WTAP: variants seen among roughly 807,000 people sequenced by gnomAD.
WTAP encodes pre-mRNA-splicing regulator WTAP.
Under a neutral mutation model 50.0 loss-of-function variants are expected in WTAP, and 8 were observed. That is an observed-to-expected ratio of 0.16 (90% confidence interval 0.09 to 0.29). WTAP has a LOEUF of 0.29. WTAP is among the 10% of genes least tolerant of loss of function. The probability of loss-of-function intolerance (pLI) is 1.00; values close to 1 mark genes in which losing one functional copy is unlikely to be tolerated. For missense variants in WTAP, 295 were observed against 470.7 expected (o/e 0.63, Z 3.45); for synonymous variants, 194 against 169.0 (o/e 1.15, Z -1.15).
intron 1 of WTAP, among the ~76,000 whole-genome samples, chr6:159,728,425 CA>C (rs200581761): frequency 3.8e-5 from 5 of 132,002 alleles, no homozygotes; most frequent in Admixed American, 1.4e-4. Context: ...AAAAACAAAA[CA>C]AAACAAAAAA....
chr6:159,750,169 T>A (rs1779767118), intron 6 of WTAP, among the ~76,000 whole-genome samples: 1 of 152,220 alleles, frequency 6.6e-6, no homozygotes, highest in African/African-American at 2.4e-5. Flanking sequence ...GAAATTAGCT[T>A]ATGTGCTTGC....
chr6:159,727,467 C>G (rs1418248468), upstream of WTAP: 2 of 958,824 alleles, frequency 2.1e-6, no homozygotes, highest in East Asian at 2.5e-4. Context: ...GGAGCGGAGC[C>G]GTGCGGCGGG....
At chr6:159,738,765 C>T (rs1779067604) in intron 2 of WTAP, among the ~76,000 whole-genome samples, 1 of 151,900 alleles carries the variant, frequency 6.6e-6, no homozygotes, top group Non-Finnish European at 1.5e-5. Context: ...TGTGGTGATA[C>T]CTGGGGTTTT....
chr6:159,742,758 C>G (rs1311282821), intron 4 of WTAP, among the ~76,000 whole-genome samples: 1 of 152,018 alleles, frequency 6.6e-6, no homozygotes, highest in Non-Finnish European at 1.5e-5. Flanking sequence ...AAGTCATGAA[C>G]ATTGTGAAAG....
chr6:159,738,142 T>C (rs763627287), intron 2 of WTAP, among the ~76,000 whole-genome samples: 2 of 152,220 alleles, frequency 1.3e-5, no homozygotes, highest in Non-Finnish European at 2.9e-5. Context: ...TGCACTATTA[T>C]CATGTCTAGC....
intron 6 of WTAP, among the ~76,000 whole-genome samples, chr6:159,752,222 A>G (rs1464535736): frequency 6.6e-6 from 1 of 152,248 alleles, no homozygotes; most frequent in African/African-American, 2.4e-5. Context: ...ACTAGAATTT[A>G]AAAAATGTTT....
chr6:159,737,112 A>G (rs1478009917), intron 2 of WTAP, among the ~76,000 whole-genome samples: 1 of 152,088 alleles, frequency 6.6e-6, no homozygotes, highest in African/African-American at 2.4e-5. Flanking sequence ...CAGTGGTGCA[A>G]TCTTGGCTTA....
At chr6:159,735,926 T>C (rs780539288) in intron 1 of WTAP, among the ~76,000 whole-genome samples, 2 of 152,110 alleles carry the variant, frequency 1.3e-5, no homozygotes, top group Non-Finnish European at 2.9e-5. Context: ...CTTGAGGTCA[T>C]TATATTTCTC....
At chr6:159,736,032 G>T (rs180929656) in intron 1 of WTAP, among the ~76,000 whole-genome samples, 1 of 152,064 alleles carries the variant, frequency 6.6e-6, no homozygotes, top group African/African-American at 2.4e-5. Flanking sequence ...AATGATGGAA[G>T]ATGTTAACAA....
intron 1 of WTAP, 135 bp from the exon 2 acceptor site, chr6:159,736,123 T>A: frequency 1.1e-6 from 1 of 909,380 alleles, no homozygotes; most frequent in Non-Finnish European, 1.6e-6. Flanking sequence ...ATTTTAAAAT[T>A]GTTTATTTAA....
At chr6:159,728,483 A>G (rs192455060) in intron 1 of WTAP, among the ~76,000 whole-genome samples, 205 of 152,346 alleles carry the variant, frequency 1.3e-3, no homozygotes, top group African/African-American at 4.7e-3. Context: ...GTATGTTACA[A>G]TTGGAAGTTG....
chr6:159,740,634 G>A (rs1779194811), intron 3 of WTAP, among the ~76,000 whole-genome samples: 2 of 151,856 alleles, frequency 1.3e-5, no homozygotes. Flanking sequence ...CATGGCCTTG[G>A]CTGAACATCA....
rs946054945 is a variant in WTAP at position 159,743,513 on chromosome 6, G to A, written c.146-152G>A. On this transcript the variant is annotated intron_variant, in intron 4 of 7. Coordinates refer to ENST00000621533, the MANE Select transcript of WTAP (RefSeq NM_001270531.2). ...ACCATTGTCTCCTAAAGGAGCTCTC[G>A]TGACCAGGAAGAAATTCGCCTGTTA... is the stretch of plus-strand genomic sequence containing the variant. 1.1e-4 allele frequency: 74 copies of A among 655,520 alleles called. 2 individuals are homozygous for A. The highest frequency in any genetic ancestry group is 9.2e-4 in the Middle Eastern group (2 of 2,168). The allele number at this position is 655,520 out of a possible 1,614,324, so 40.6% of individuals were successfully genotyped here.
chr6:159,743,929 G>C (rs1779409753), intron 5 of WTAP, 137 bp downstream of exon 5: 1 of 994,870 alleles, frequency 1.0e-6, no homozygotes, highest in Non-Finnish European at 1.3e-6. Flanking sequence ...TGAGCTTTAA[G>C]AATACTAGAT....
In WTAP at chr6:159,730,257, A is replaced by G. The variant is rs115835548; in HGVS notation, c.-9+2554A>G. Among the ~76,000 whole-genome samples the G allele has an allele frequency of 6.0e-3, 916 of 152,346 alleles. 9 individuals carry two copies. The highest frequency in any genetic ancestry group is 0.021 in the African/African-American group (859 of 41,568). ...AGTGCTGTTATTAAATGTGTGATTCATAAGAACTGAACATATTTTCTTTAT... is the reference window on the plus strand; with the variant it reads ...AGTGCTGTTATTAAATGTGTGATTCGTAAGAACTGAACATATTTTCTTTAT... On this transcript the variant is annotated intron_variant, in intron 1 of 7. Transcript: ENST00000621533.
In WTAP at chr6:159,755,790, T is replaced by TG. The variant is rs5881337; in HGVS notation, c.*180dup. On this transcript the variant is annotated 3_prime_UTR_variant, in exon 8 of 8. Transcript: ENST00000621533. ...CTTTTTTTTTTTTTTTTTTTTTTTTTGCTTCAATACTTCTGCCGCTTTGGA... is the reference window on the plus strand; with the variant it reads ...CTTTTTTTTTTTTTTTTTTTTTTTTTGGCTTCAATACTTCTGCCGCTTTGGA... 589 of 848,582 alleles carry TG rather than the reference T, an allele frequency of 6.9e-4. No individual in the cohort carries two copies. The highest frequency in any genetic ancestry group is 8.7e-4 in the Non-Finnish European group (558 of 642,292). 52.6% of individuals were successfully genotyped at this position (848,582 alleles called of 1,614,324 possible).
chr6:159,735,622 A>T (rs943269939), intron 1 of WTAP, among the ~76,000 whole-genome samples: 10 of 151,982 alleles, frequency 6.6e-5, no homozygotes, highest in Non-Finnish European at 1.5e-5. Context: ...GGTGGCACGC[A>T]CCTGTAGTCC....
rs1318283322 is a variant in WTAP, at chr6:159,745,599, T to C, written c.273+1807T>C. Among the ~76,000 whole-genome samples, 6 of 152,246 alleles carry C rather than the reference T, an allele frequency of 3.9e-5. No homozygotes were observed. In the South Asian group the frequency reaches 6.2e-4, roughly 16 times the overall value. On this transcript the variant is annotated intron_variant, in intron 5 of 7. Transcript: ENST00000621533. ...ATATATGGCAGATGAGGATAAAGTT[T>C]CAGGTGAGAGTGAAAAAAGATGAGG...
At chr6:159,749,445 T>C in intron 6 of WTAP, 1 of 977,434 alleles carries the variant, frequency 1.0e-6, no homozygotes, top group South Asian at 4.7e-5. Flanking sequence ...TTTTTTTAAG[T>C]TCAAAGAATA....
Sources: gnomAD v4.1 joint callset for allele counts (sites outside exome capture counted in the v4.1 genomes callset) on GRCh38, gnomAD v4.1.1 for gene constraint, MANE v1.5 for transcripts, NCBI Gene and HGNC (gene_info 2026-07-23, HGNC 2026-07-21) for gene names.